EIF4G3: variants seen among roughly 807,000 people sequenced by gnomAD.
EIF4G3 encodes the protein eIF-4-gamma 3.
A neutral mutation model predicts 186.4 loss-of-function variants in EIF4G3; 34 were observed. The observed-to-expected ratio is 0.18, with a 90% CI of 0.14 to 0.24. The LOEUF is 0.24. EIF4G3 is among the 10% of genes least tolerant of loss of function. The pLI, the probability that EIF4G3 is intolerant of heterozygous loss-of-function variation, is 1.00. For synonymous variants in EIF4G3, 673 were observed against 679.5 expected (o/e 0.99, Z 0.15); for missense variants, 1,536 against 1,948.5 (o/e 0.79, Z 3.99).
At chr1:20,901,260 A>G (rs374051409) in intron 15 of EIF4G3, among the ~76,000 whole-genome samples, 1 of 152,194 alleles carries the variant, frequency 6.6e-6, no homozygotes, top group Admixed American at 6.5e-5. Flanking sequence ...TGAAAAAACC[A>G]GATCTACCAA....
intron 14 of EIF4G3, among the ~76,000 whole-genome samples, chr1:20,933,151 T>A (rs2095392568): frequency 6.6e-6 from 1 of 152,126 alleles, no homozygotes; most frequent in Admixed American, 6.5e-5. Context: ...CTTCACAGCA[T>A]CCTGAAGAGC....
chr1:21,082,001 C>T (rs2095804669), intron 3 of EIF4G3, among the ~76,000 whole-genome samples: 1 of 151,282 alleles, frequency 6.6e-6, no homozygotes, highest in Admixed American at 6.6e-5. Context: ...CCATGTTGCC[C>T]AGGCTGGTCT....
intron 2 of EIF4G3, among the ~76,000 whole-genome samples, chr1:21,089,747 C>CAA (rs200574612): frequency 1.9e-4 from 22 of 116,654 alleles, no homozygotes; most frequent in South Asian, 1.1e-3. Flanking sequence ...ACCTCTCTAC[C>CAA]AAAAAAAAAA....
intron 3 of EIF4G3, among the ~76,000 whole-genome samples, chr1:21,063,708 G>A (rs949170685): frequency 5.1e-5 from 2 of 38,898 alleles, no homozygotes; most frequent in Admixed American, 2.3e-4. Flanking sequence ...TTCATTTTGG[G>A]GGGGGGGGTG....
chr1:20,856,900 C>A (rs77887263), intron 25 of EIF4G3, among the ~76,000 whole-genome samples: 4,973 of 152,114 alleles, frequency 0.033, 155 homozygotes, highest in East Asian at 0.12. Context: ...CGGTGGCTCA[C>A]GCCTGTAATC....
intron 2 of EIF4G3, among the ~76,000 whole-genome samples, chr1:21,152,671 A>G (rs2097571771): frequency 6.6e-6 from 1 of 152,210 alleles, no homozygotes; most frequent in African/African-American, 2.4e-5. Context: ...TTGCGGTATT[A>G]GCTATTAATA....
chr1:20,899,580 A>G, intron 16 of EIF4G3, 117 bp downstream of exon 16: 1 of 1,306,696 alleles, frequency 7.7e-7, no homozygotes, highest in South Asian at 1.4e-5. Flanking sequence ...TCCTGTAAAT[A>G]TTATATTGTG....
At chr1:20,869,985 A>G (rs778592902) in intron 20 of EIF4G3, among the ~76,000 whole-genome samples, 2 of 152,172 alleles carry the variant, frequency 1.3e-5, no homozygotes, top group African/African-American at 2.4e-5. Flanking sequence ...TCTCTGTTAG[A>G]TATACCTGAA....
At chr1:21,114,963 G>C (rs1258861034) in intron 2 of EIF4G3, among the ~76,000 whole-genome samples, 1 of 152,140 alleles carries the variant, frequency 6.6e-6, no homozygotes, top group Non-Finnish European at 1.5e-5. Context: ...AGGAGTTCTA[G>C]ACCAACCTGG....
At chr1:20,994,368 A>C (rs891748945) in intron 7 of EIF4G3, among the ~76,000 whole-genome samples, 2 of 152,136 alleles carry the variant, frequency 1.3e-5, no homozygotes, top group Non-Finnish European at 2.9e-5. Context: ...TCCTCTATTC[A>C]AGGTAATTAC....
chr1:20,963,239 T>C (rs1483369574), intron 12 of EIF4G3, among the ~76,000 whole-genome samples: 1 of 152,184 alleles, frequency 6.6e-6, no homozygotes, highest in Non-Finnish European at 1.5e-5. Flanking sequence ...CATACCTAAA[T>C]TTTTCTTTTT....
chr1:20,997,218 T>C (rs1479081735), intron 7 of EIF4G3, among the ~76,000 whole-genome samples: 1 of 152,166 alleles, frequency 6.6e-6, no homozygotes, highest in Non-Finnish European at 1.5e-5. Context: ...ATACAGGTTA[T>C]ATCGGAATGT....
chr1:20,999,656 C>A (rs1259199086), intron 6 of EIF4G3: 5 of 408,946 alleles, frequency 1.2e-5, no homozygotes, highest in African/African-American at 2.1e-5. Context: ...AAAAAGAAAA[C>A]CCCAACTTAA....
chr1:21,013,902 G>A (rs531618680), intron 4 of EIF4G3, among the ~76,000 whole-genome samples: 1 of 152,332 alleles, frequency 6.6e-6, no homozygotes, highest in Admixed American at 6.5e-5. Flanking sequence ...GGGCACAGTA[G>A]CTCATGCCTG....
chr1:21,067,820 C>A (rs2095302115), intron 3 of EIF4G3, among the ~76,000 whole-genome samples: 1 of 152,010 alleles, frequency 6.6e-6, no homozygotes, highest in Non-Finnish European at 1.5e-5. Flanking sequence ...TTATTGAACT[C>A]TCTTAAAACT....
At chr1:20,909,013 A>G (rs1302253194) in intron 14 of EIF4G3, among the ~76,000 whole-genome samples, 1 of 152,032 alleles carries the variant, frequency 6.6e-6, no homozygotes, top group Non-Finnish European at 1.5e-5. Context: ...TTAGCCAGGC[A>G]TGGTGGCATG....
chr1:21,019,814 G>A (rs2090221822), intron 4 of EIF4G3, among the ~76,000 whole-genome samples: 1 of 152,124 alleles, frequency 6.6e-6, no homozygotes, highest in East Asian at 1.9e-4. Context: ...AACCCAGGAG[G>A]CAGAGCTTGC....
At chr1:20,920,370 G>T (rs1340880490) in intron 14 of EIF4G3, among the ~76,000 whole-genome samples, 2 of 152,066 alleles carry the variant, frequency 1.3e-5, no homozygotes, top group Non-Finnish European at 2.9e-5. Context: ...TATTAGTAAA[G>T]ATATGAGATA....
intron 4 of EIF4G3, among the ~76,000 whole-genome samples, chr1:21,044,346 T>A (rs575924377): frequency 6.6e-6 from 1 of 152,222 alleles, no homozygotes; most frequent in Non-Finnish European, 1.5e-5. Flanking sequence ...TGTGATATGC[T>A]AAAGAATCCT....
Sources: allele counts gnomAD v4.1 joint callset (sites outside exome capture counted in the v4.1 genomes callset), GRCh38; gene constraint gnomAD v4.1.1; transcripts MANE v1.5; gene names NCBI Gene and HGNC (gene_info 2026-07-23, HGNC 2026-07-21).